SPAG16: variants seen among roughly 807,000 people sequenced by gnomAD.
SPAG16 encodes the protein sperm-associated antigen 16 protein.
SPAG16 carries 86 observed loss-of-function variants against 80.4 expected under a neutral mutation model. That is an observed-to-expected ratio of 1.07 (90% CI 0.90 to 1.28). SPAG16 has a LOEUF of 1.28. SPAG16 is among the 50% of genes most tolerant of loss of function. The pLI is 0.00. For missense variants in SPAG16, 870 were observed against 765.3 expected, an observed-to-expected ratio of 1.14 and a Z score of -1.61; for synonymous variants, 294 against 265.9, an observed-to-expected ratio of 1.11 and a Z score of -1.03.
At chr2:213,517,286 AAC>A (rs2075466192) in intron 10 of SPAG16, among the ~76,000 whole-genome samples, 1 of 152,218 alleles carries the variant, frequency 6.6e-6, no homozygotes, top group Non-Finnish European at 1.5e-5. Flanking sequence ...AGAATTGCAA[AAC>A]ACTGCTGAAA....
intron 3 of SPAG16, among the ~76,000 whole-genome samples, chr2:213,299,999 C>A (rs1301350311): frequency 1.3e-5 from 2 of 152,038 alleles, no homozygotes; most frequent in Non-Finnish European, 2.9e-5. Context: ...AAATTCTGAG[C>A]CTTTTTATAA....
chr2:213,609,097 A>T (rs2061360505), intron 10 of SPAG16, among the ~76,000 whole-genome samples: 1 of 152,246 alleles, frequency 6.6e-6, no homozygotes, highest in African/African-American at 2.4e-5. Flanking sequence ...AATTATTGTA[A>T]AACTGGTTAT....
intron 13 of SPAG16, among the ~76,000 whole-genome samples, chr2:214,031,884 A>C (rs149321640): frequency 6.6e-6 from 1 of 152,222 alleles, no homozygotes; most frequent in African/African-American, 2.4e-5. Context: ...CTCATTCACT[A>C]TCACTAGAAC....
intron 10 of SPAG16, among the ~76,000 whole-genome samples, chr2:213,820,709 A>T (rs2072887405): frequency 6.6e-6 from 1 of 152,060 alleles, no homozygotes; most frequent in Admixed American, 6.6e-5. Context: ...CCCATCAGAG[A>T]TATATAGATT....
At chr2:213,437,918 C>G (rs962933254) in intron 9 of SPAG16, among the ~76,000 whole-genome samples, 2 of 152,200 alleles carry the variant, frequency 1.3e-5, no homozygotes, top group African/African-American at 4.8e-5. Flanking sequence ...AGAAACCCAT[C>G]TCAAACCAAG....
At chr2:213,514,939 G>A (rs1181364555) in intron 10 of SPAG16, among the ~76,000 whole-genome samples, 1 of 151,922 alleles carries the variant, frequency 6.6e-6, no homozygotes, top group East Asian at 1.9e-4. Context: ...CTCTTCTAAA[G>A]TTGTCTTAAT....
intron 4 of SPAG16, among the ~76,000 whole-genome samples, chr2:213,314,970 T>C (rs2063340083): frequency 1.3e-5 from 2 of 151,462 alleles, no homozygotes; most frequent in Admixed American, 1.3e-4. Context: ...GTCCTCTTGC[T>C]CTTTTTTTAG....
intron 12 of SPAG16, among the ~76,000 whole-genome samples, chr2:213,932,483 G>T (rs144167254): frequency 6.6e-6 from 1 of 151,994 alleles, no homozygotes; most frequent in African/African-American, 2.4e-5. Context: ...GGTTACAGGC[G>T]TGAACCACTG....
chr2:214,311,445 CA>C (rs1227142169), intron 15 of SPAG16, among the ~76,000 whole-genome samples: 1 of 152,160 alleles, frequency 6.6e-6, no homozygotes, highest in Non-Finnish European at 1.5e-5. Context: ...TGGAAGTTCC[CA>C]AATTGCCACC....
At position 213,351,393 on chromosome 2, in the gene SPAG16, T is replaced by A. The variant is rs953946440; in HGVS notation, c.762+748T>A. Among the ~76,000 whole-genome samples the A allele has an allele frequency of 3.3e-5, 5 of 152,252 alleles. No homozygotes were observed. In the Middle Eastern group the frequency reaches 0.014, roughly 414 times the overall value. ...ATTGCTGTGAAACTTATATGAGATA[T>A]TTTAATAAATAAAAACTCCCTCATA... is the stretch of plus-strand genomic sequence containing the variant. On this transcript the variant is annotated intron_variant, in intron 7 of 15. Transcript: ENST00000331683.
chr2:213,864,448 T>C (rs964494214), intron 11 of SPAG16, among the ~76,000 whole-genome samples: 1 of 152,080 alleles, frequency 6.6e-6, no homozygotes. Context: ...TAATCTGTAG[T>C]TGATTTTTTA....
At chr2:214,149,392 ATTAC>A in intron 15 of SPAG16, 126 bp downstream of exon 15, 3 of 779,004 alleles carry the variant, frequency 3.9e-6, no homozygotes, top group Non-Finnish European at 5.3e-6. Context: ...ATTACATTAT[ATTAC>A]ATTACATTAA....
chr2:213,654,344 A>T (rs2063133067), intron 10 of SPAG16, among the ~76,000 whole-genome samples: 1 of 142,500 alleles, frequency 7.0e-6, no homozygotes, highest in Non-Finnish European at 1.6e-5. Flanking sequence ...ACGCTTGAAC[A>T]TCTATTGTTT....
chr2:213,487,988 A>G (rs2074060301), intron 9 of SPAG16, among the ~76,000 whole-genome samples: 1 of 152,086 alleles, frequency 6.6e-6, no homozygotes, highest in African/African-American at 2.4e-5. Flanking sequence ...TAACTTAATT[A>G]TATATGAATT....
chr2:213,481,239 A>C (rs989395655), intron 9 of SPAG16, among the ~76,000 whole-genome samples: 1 of 152,178 alleles, frequency 6.6e-6, no homozygotes, highest in Admixed American at 6.5e-5. Context: ...CACTTCTATC[A>C]ATTTTAGGTT....
At chr2:213,572,369 T>G (rs1247157852) in intron 10 of SPAG16, among the ~76,000 whole-genome samples, 1 of 115,760 alleles carries the variant, frequency 8.6e-6, no homozygotes, top group Non-Finnish European at 1.8e-5. Flanking sequence ...CTTTGTGGTT[T>G]TATCTACTTT....
chr2:214,366,721 A>G (rs1478073273), intron 15 of SPAG16, among the ~76,000 whole-genome samples: 2 of 152,140 alleles, frequency 1.3e-5, no homozygotes, highest in Non-Finnish European at 2.9e-5. Flanking sequence ...TTGGAAAACA[A>G]TTGGAACACA....
intron 3 of SPAG16, among the ~76,000 whole-genome samples, chr2:213,306,965 A>G (rs2062965647): frequency 6.6e-6 from 1 of 152,144 alleles, no homozygotes; most frequent in South Asian, 2.1e-4. Context: ...TTTTTGTGTG[A>G]ATAGTTCTTC....
chr2:214,009,584 C>A (rs1296216256), intron 12 of SPAG16, among the ~76,000 whole-genome samples: 1 of 152,064 alleles, frequency 6.6e-6, no homozygotes, highest in African/African-American at 2.4e-5. Context: ...AAGCAGATTG[C>A]CATAGATGAG....
Sources: allele counts gnomAD v4.1 joint callset (sites outside exome capture counted in the v4.1 genomes callset), GRCh38; gene constraint gnomAD v4.1.1; transcripts MANE v1.5; gene names NCBI Gene and HGNC (gene_info 2026-07-23, HGNC 2026-07-21).